Variants in MSRA observed in about 807,000 individuals in gnomAD.
MSRA encodes mitochondrial peptide methionine sulfoxide reductase.
In MSRA, 54 loss-of-function variants were observed where a neutral mutation model predicts 31.3. The ratio of observed to expected loss-of-function variants is 1.73; its 90% CI spans 1.39 to 2.17. The LOEUF is 2.17. MSRA is among the 30% of genes most tolerant of loss of function. MSRA has a pLI of 0.00. For synonymous variants in MSRA, 169 were observed against 116.5 expected (o/e 1.45, Z -2.90); for missense variants, 507 against 300.9 (o/e 1.69, Z -5.07).
At chr8:10,211,051 G>A (rs1289544699) in intron 2 of MSRA, among the ~76,000 whole-genome samples, 1 of 152,100 alleles carries the variant, frequency 6.6e-6, no homozygotes, top group East Asian at 1.9e-4. Context: ...GTCGTTATCT[G>A]TTGGTTAATC....
At chr8:10,130,087 T>C (rs1050585125) in intron 1 of MSRA, among the ~76,000 whole-genome samples, 11 of 152,312 alleles carry the variant, frequency 7.2e-5, no homozygotes, top group Admixed American at 2.0e-4. Flanking sequence ...TTTCTGGTCA[T>C]CTTAATGACT....
At chr8:10,240,680 C>T (rs1251038883) in intron 2 of MSRA, among the ~76,000 whole-genome samples, 1 of 152,208 alleles carries the variant, frequency 6.6e-6, no homozygotes, top group Admixed American at 6.5e-5. Flanking sequence ...CTGTCCTGAA[C>T]TTGGGCTATT....
intron 5 of MSRA, among the ~76,000 whole-genome samples, chr8:10,355,214 C>T (rs544012284): frequency 6.6e-6 from 1 of 152,182 alleles, no homozygotes; most frequent in African/African-American, 2.4e-5. Flanking sequence ...GTTCCTGGCC[C>T]AGAGGCCATG....
At chr8:10,143,366 G>T (rs942801674) in intron 1 of MSRA, among the ~76,000 whole-genome samples, 2 of 152,110 alleles carry the variant, frequency 1.3e-5, no homozygotes, top group South Asian at 2.1e-4. Flanking sequence ...TCAGAAAAGG[G>T]TCCCTTCACG....
intron 5 of MSRA, chr8:10,320,439 G>C (rs1402371288): frequency 6.5e-6 from 1 of 153,018 alleles, no homozygotes; most frequent in Non-Finnish European, 1.5e-5. Context: ...CTGCACTTCA[G>C]CCTGGGTGAC....
At chr8:10,210,240 G>A (rs1374154221) in intron 2 of MSRA, among the ~76,000 whole-genome samples, 1 of 152,164 alleles carries the variant, frequency 6.6e-6, no homozygotes, top group African/African-American at 2.4e-5. Flanking sequence ...GCGAGGCCAT[G>A]TGACTTATCC....
chr8:10,181,405 C>G (rs190236161), intron 1 of MSRA, among the ~76,000 whole-genome samples: 18 of 148,854 alleles, frequency 1.2e-4, no homozygotes, highest in Admixed American at 8.7e-4. Context: ...AGCTTGTGCA[C>G]ACGTACCCTA....
chr8:10,099,729 A>G (rs1178228746), intron 1 of MSRA, among the ~76,000 whole-genome samples: 1 of 152,172 alleles, frequency 6.6e-6, no homozygotes, highest in Non-Finnish European at 1.5e-5. Context: ...AGAGGGCCAC[A>G]TTATTTGTGA....
chr8:10,399,543 A>G (rs1342664976), intron 5 of MSRA, among the ~76,000 whole-genome samples: 1 of 152,206 alleles, frequency 6.6e-6, no homozygotes, highest in Non-Finnish European at 1.5e-5. Context: ...AGCCATAAGT[A>G]AAAACCCCCT....
At chr8:10,347,207 G>A (rs890490295) in intron 5 of MSRA, among the ~76,000 whole-genome samples, 2 of 152,180 alleles carry the variant, frequency 1.3e-5, no homozygotes, top group Non-Finnish European at 2.9e-5. Context: ...CTTGCACCGT[G>A]TCTGGCTCCA....
At position 10,319,918 on chromosome 8, in the gene MSRA, C is replaced by T. The variant is rs375463783; in HGVS notation, c.472C>T (p.Arg158Cys). The T allele has an allele frequency of 5.1e-5, 82 of 1,598,116 alleles. No homozygotes were observed. Among genetic ancestry groups the T allele is most frequent in the African/African-American group, 9.4e-5 (7 of 74,402 alleles). ...RQGNDHGTQYRSAIYPTSAKQ... is the reference protein window; with the variant it reads ...RQGNDHGTQYCSAIYPTSAKQ... ...GGGGAACGACCATGGCACTCAGTACCGCTCGGCCATCTACCCGACCTCTGC... is the reference window on the plus strand; with the variant it reads ...GGGGAACGACCATGGCACTCAGTACTGCTCGGCCATCTACCCGACCTCTGC... Residue 158 changes from arginine to cysteine, a missense_variant, in exon 5 of 6, where the codon CGC becomes TGC. Physicochemically the swap from Arg to Cys is radical, Grantham distance 180 (BLOSUM62 -3). Coordinates refer to ENST00000317173, the MANE Select transcript of MSRA (RefSeq NM_012331.5).
chr8:10,172,743 A>C (rs765168091), intron 1 of MSRA, among the ~76,000 whole-genome samples: 1 of 152,182 alleles, frequency 6.6e-6, no homozygotes, highest in Non-Finnish European at 1.5e-5. Context: ...AAAGGAGGCC[A>C]GGTCACTGGG....
At chr8:10,323,497 T>G (rs894305698) in intron 5 of MSRA, among the ~76,000 whole-genome samples, 3 of 152,200 alleles carry the variant, frequency 2.0e-5, no homozygotes, top group African/African-American at 7.2e-5. Context: ...GTGAAGAGGC[T>G]TATCACCGAA....
intron 1 of MSRA, among the ~76,000 whole-genome samples, chr8:10,129,780 T>G (rs554735077): frequency 6.6e-6 from 1 of 152,190 alleles, no homozygotes; most frequent in African/African-American, 2.4e-5. Flanking sequence ...AGTGGCTGAG[T>G]TGAATCTGTC....
chr8:10,279,931 T>G lies in MSRA; in HGVS notation c.332-21603T>G, dbSNP rs191803234. Among the ~76,000 whole-genome samples, 6 of 152,370 alleles carry G rather than the reference T, an allele frequency of 3.9e-5. No homozygotes were observed. The East Asian group carries it at 1.2e-3, about 29-fold the overall frequency. ...CAAATCTGTTTCTTGGATATTCTGT[T>G]GAATTTACCTCTAAAGACAACTAGG... On this transcript the variant is annotated intron_variant, in intron 3 of 5. Coordinates refer to ENST00000317173, the MANE Select transcript of MSRA (RefSeq NM_012331.5).
chr8:10,272,005 G>T (rs1468145492), intron 3 of MSRA, among the ~76,000 whole-genome samples: 1 of 152,130 alleles, frequency 6.6e-6, no homozygotes. Context: ...ACTGTGCCCG[G>T]CCAGGTACTC....
chr8:10,120,657 A>G lies in MSRA; in HGVS notation c.142+65999A>G, dbSNP rs1801042484. ...TACCCAGATGAGAAGGCATGGAGTT[A>G]GAATACAGTAGGGGAGATGATCATG... On this transcript the variant is annotated intron_variant, in intron 1 of 5. Coordinates refer to ENST00000317173, the MANE Select transcript of MSRA (RefSeq NM_012331.5). 5.3e-5 allele frequency among the ~76,000 whole-genome samples: 8 copies of G among 152,230 alleles called. No homozygotes were observed. In the South Asian group the frequency reaches 1.4e-3, roughly 28 times the overall value.
intron 1 of MSRA, among the ~76,000 whole-genome samples, chr8:10,135,527 G>C (rs1228137441): frequency 6.6e-6 from 1 of 152,132 alleles, no homozygotes; most frequent in Non-Finnish European, 1.5e-5. Flanking sequence ...AATGTGCCAG[G>C]TATTATATTA....
intron 2 of MSRA, among the ~76,000 whole-genome samples, chr8:10,209,867 T>C (rs1809321237): frequency 6.6e-6 from 1 of 152,224 alleles, no homozygotes; most frequent in Non-Finnish European, 1.5e-5. Flanking sequence ...GTTAACAACA[T>C]ATAAGAAGCA....
Sources: allele counts gnomAD v4.1 joint callset (sites outside exome capture counted in the v4.1 genomes callset), GRCh38; gene constraint gnomAD v4.1.1; transcripts MANE v1.5; gene names NCBI Gene and HGNC (gene_info 2026-07-23, HGNC 2026-07-21).